Variants in CCDC192 observed in about 807,000 individuals in gnomAD.
CCDC192 encodes coiled-coil domain containing 192.
chr5:127,838,154 A>G (rs571241759), intron 5 of CCDC192, among the ~76,000 whole-genome samples: 1 of 152,196 alleles, frequency 6.6e-6, no homozygotes, highest in Non-Finnish European at 1.5e-5. Context: ...TGACTCCTAC[A>G]ATGCCTTCAA....
chr5:127,926,448 G>A (rs761537393), intron 6 of CCDC192, among the ~76,000 whole-genome samples: 1 of 152,226 alleles, frequency 6.6e-6, no homozygotes, highest in African/African-American at 2.4e-5. Context: ...CATAGAGATT[G>A]AGAACGTATT....
intron 5 of CCDC192, among the ~76,000 whole-genome samples, chr5:127,810,774 C>A (rs1395339537): frequency 6.6e-6 from 1 of 152,144 alleles, no homozygotes; most frequent in East Asian, 1.9e-4. Context: ...CTTATAAAAT[C>A]AAATCTGACT....
At chr5:127,719,506 C>T (rs9918144) in intron 2 of CCDC192, among the ~76,000 whole-genome samples, 1 of 124,442 alleles carries the variant, frequency 8.0e-6, no homozygotes, top group Non-Finnish European at 1.5e-5. Flanking sequence ...CACACACATA[C>T]ATATATATAT....
At chr5:127,830,144 C>T (rs886145878) in intron 5 of CCDC192, among the ~76,000 whole-genome samples, 3 of 149,762 alleles carry the variant, frequency 2.0e-5, no homozygotes, top group Non-Finnish European at 3.0e-5. Context: ...GCAAAAAATA[C>T]ACAGATGCCT....
intron 5 of CCDC192, among the ~76,000 whole-genome samples, chr5:127,853,881 A>G (rs245191): frequency 0.68 from 103,054 of 151,988 alleles, 34,936 homozygotes; most frequent in Non-Finnish European, 0.69. Context: ...AGAGATAACC[A>G]TTGTTTCCAG....
chr5:127,746,675 G>C (rs143067963), intron 2 of CCDC192, among the ~76,000 whole-genome samples: 1 of 150,252 alleles, frequency 6.7e-6, no homozygotes. Flanking sequence ...TCAGGGATCC[G>C]AGGACAATTG....
At chr5:127,768,337 A>G (rs977743036) in intron 3 of CCDC192, among the ~76,000 whole-genome samples, 1 of 152,160 alleles carries the variant, frequency 6.6e-6, no homozygotes, top group Non-Finnish European at 1.5e-5. Context: ...CTTATAAAAA[A>G]TGAAAATTTG....
At chr5:127,926,878 A>G (rs1441910492) in intron 6 of CCDC192, among the ~76,000 whole-genome samples, 2 of 152,192 alleles carry the variant, frequency 1.3e-5, no homozygotes, top group African/African-American at 4.8e-5. Flanking sequence ...AATTACTCTG[A>G]GGAAAAGCTC....
intron 5 of CCDC192, among the ~76,000 whole-genome samples, chr5:127,859,573 A>G (rs1372558171): frequency 6.6e-6 from 1 of 152,172 alleles, no homozygotes; most frequent in Non-Finnish European, 1.5e-5. Flanking sequence ...ACCAGAACTC[A>G]GTGTAATTTT....
At chr5:127,785,099 TG>T in intron 3 of CCDC192, 1 of 518,546 alleles carries the variant, frequency 1.9e-6, no homozygotes. Flanking sequence ...TCTTCTGTGT[TG>T]TACTGAAGCA....
intron 5 of CCDC192, among the ~76,000 whole-genome samples, chr5:127,824,304 G>C (rs192036150): frequency 2.0e-5 from 3 of 152,254 alleles, no homozygotes; most frequent in African/African-American, 7.2e-5. Context: ...ATTGAGAAAG[G>C]TACCGGAATT....
chr5:127,916,420 T>C (rs922797561), intron 6 of CCDC192, among the ~76,000 whole-genome samples: 1 of 152,256 alleles, frequency 6.6e-6, no homozygotes, highest in African/African-American at 2.4e-5. Flanking sequence ...CTTTACGGCA[T>C]CTGGAATGGT....
chr5:127,724,952 A>T (rs1044277337), intron 2 of CCDC192, among the ~76,000 whole-genome samples: 5 of 152,120 alleles, frequency 3.3e-5, no homozygotes, highest in Admixed American at 2.0e-4. Flanking sequence ...ATCTCAACTA[A>T]AGAAATCCAT....
At chr5:127,800,396 A>C (rs796218507) in intron 5 of CCDC192, among the ~76,000 whole-genome samples, 4 of 127,862 alleles carry the variant, frequency 3.1e-5, no homozygotes. Flanking sequence ...AAAAAAAAAA[A>C]AAAAACAACA....
intron 5 of CCDC192, among the ~76,000 whole-genome samples, chr5:127,819,373 C>G (rs1749182418): frequency 6.6e-6 from 1 of 152,132 alleles, no homozygotes; most frequent in Non-Finnish European, 1.5e-5. Flanking sequence ...TACTCTCTCC[C>G]CAGTCAGATT....
At chr5:127,732,292 AAT>A (rs1421325538) in intron 2 of CCDC192, among the ~76,000 whole-genome samples, 4 of 152,308 alleles carry the variant, frequency 2.6e-5, no homozygotes, top group East Asian at 3.9e-4. Flanking sequence ...ACCACAATGA[AAT>A]ACCATCTCAC....
intron 6 of CCDC192, among the ~76,000 whole-genome samples, chr5:127,899,175 G>A (rs1362992171): frequency 1.3e-5 from 2 of 152,174 alleles, no homozygotes; most frequent in Non-Finnish European, 2.9e-5. Flanking sequence ...TTTGGGGGGA[G>A]TGAACAGGGG....
intron 3 of CCDC192, chr5:127,785,480 G>T: frequency 4.6e-6 from 1 of 216,870 alleles, no homozygotes; most frequent in Non-Finnish European, 9.3e-6. Context: ...TAGAGAACAT[G>T]CTGGCTTCAG....
At position 127,855,173 on chromosome 5, in the gene CCDC192, A is replaced by G. The variant is rs527289930; in HGVS notation, c.412-20365A>G. ...CGTGAAAGATTCTGTAGTATGCCAC[A>G]CTATTTAATAGCATGTTTCCCATAG... is the stretch of plus-strand genomic sequence containing the variant. On this transcript the variant is annotated intron_variant, in intron 5 of 6. Coordinates refer to ENST00000514853, the MANE Select transcript of CCDC192 (RefSeq NM_001317938.2). 3.3e-5 allele frequency among the ~76,000 whole-genome samples: 5 copies of G among 152,290 alleles called. No homozygotes were observed. The South Asian group carries it at 8.3e-4, about 25-fold the overall frequency.
Sources: gnomAD v4.1 joint callset for allele counts (sites outside exome capture counted in the v4.1 genomes callset) on GRCh38, gnomAD v4.1.1 for gene constraint, MANE v1.5 for transcripts, NCBI Gene and HGNC (gene_info 2026-07-23, HGNC 2026-07-21) for gene names.